The following MYO16 variants were observed in gnomAD, a reference collection of about 807,000 sequenced individuals.
MYO16 encodes the protein unconventional myosin-XVI.
MYO16 carries 94 observed loss-of-function variants against 205.3 expected under a neutral mutation model. The ratio of observed to expected loss-of-function variants is 0.46; its 90% CI spans 0.39 to 0.54. The LOEUF is 0.54. Ranked by LOEUF, MYO16 falls within the 20% of genes least tolerant of loss-of-function variation. MYO16 has a pLI of 0.00. For synonymous variants in MYO16, 988 were observed against 954.0 expected, an observed-to-expected ratio of 1.04 and a Z score of -0.66; for missense variants, 2,315 against 2,387.5, an observed-to-expected ratio of 0.97 and a Z score of 0.63.
chr13:109,063,231 G>A lies in MYO16; in HGVS notation c.3335+7636G>A, dbSNP rs555009047. On this transcript the variant is annotated intron_variant, in intron 27 of 34. Coordinates refer to ENST00000457511, the MANE Select transcript of MYO16 (RefSeq NM_001198950.3). ...TCTTTCTAATTGAAACTGGAGGATCGCTTTAGTTGAGAGGATACTATTTTG... is the reference window on the plus strand; with the variant it reads ...TCTTTCTAATTGAAACTGGAGGATCACTTTAGTTGAGAGGATACTATTTTG... 2.6e-5 allele frequency among the ~76,000 whole-genome samples: 4 copies of A among 152,236 alleles called. No homozygotes were observed. In the South Asian group the frequency reaches 8.3e-4, roughly 32 times the overall value.
chr13:109,016,685 G>A (rs530144913), intron 22 of MYO16, among the ~76,000 whole-genome samples: 9 of 152,148 alleles, frequency 5.9e-5, no homozygotes, highest in Admixed American at 2.0e-4. Context: ...AGCTCTTCTT[G>A]TTGAATTGAT....
intron 5 of MYO16, among the ~76,000 whole-genome samples, chr13:108,787,873 G>C (rs921314352): frequency 6.6e-6 from 1 of 152,112 alleles, no homozygotes; most frequent in African/African-American, 2.4e-5. Context: ...TTCACAATCT[G>C]CTTCTGCTTA....
At chr13:108,584,120 AT>A in the MYO16 span, among the ~76,000 whole-genome samples, 1 of 151,798 alleles carries the variant, frequency 6.6e-6, no homozygotes, top group African/African-American at 2.4e-5. Context: ...CGCCCAGCTA[AT>A]TTTTTGTATT....
intron 32 of MYO16, among the ~76,000 whole-genome samples, chr13:109,154,293 G>C (rs543634253): frequency 2.4e-4 from 36 of 152,228 alleles, no homozygotes; most frequent in Admixed American, 1.8e-3. Context: ...AGCTCTCAAG[G>C]TCCCCACGTC....
chr13:108,691,286 G>A (rs1337329033), intron 2 of MYO16, among the ~76,000 whole-genome samples: 1 of 151,980 alleles, frequency 6.6e-6, no homozygotes, highest in Admixed American at 6.6e-5. Flanking sequence ...ATTTATTTGT[G>A]AGCAATCTGC....
At chr13:109,187,829 T>C (rs576886665) in intron 34 of MYO16, among the ~76,000 whole-genome samples, 1 of 152,340 alleles carries the variant, frequency 6.6e-6, no homozygotes, top group African/African-American at 2.4e-5. Context: ...GTATTCTGCT[T>C]CCATTGGGTG....
intron 22 of MYO16, among the ~76,000 whole-genome samples, chr13:109,010,163 T>C (rs1419393837): frequency 6.6e-6 from 1 of 152,188 alleles, no homozygotes; most frequent in Non-Finnish European, 1.5e-5. Context: ...GTGTAGTATT[T>C]GATGAAGGTG....
chr13:109,207,097 A>G lies in MYO16; in HGVS notation c.*261A>G. ...TCATTTACGGCTCTGTGCTACCCCT[A>G]GGTAGCAAGAGAGAGGCTGGGAAAA... On this transcript the variant is annotated 3_prime_UTR_variant, in exon 35 of 35. Coordinates refer to ENST00000457511, the MANE Select transcript of MYO16 (RefSeq NM_001198950.3). 2.4e-6 allele frequency: 1 copy of G among 420,730 alleles called. No homozygotes were observed. Among genetic ancestry groups the G allele is most frequent in the African/African-American group, 2.0e-5 (1 of 50,346 alleles). 26.1% of individuals were successfully genotyped at this position (420,730 alleles called of 1,614,324 possible). A position where few individuals can be genotyped will look rare whatever the true frequency, so the allele number is the denominator to read the frequency against.
intron 1 of MYO16, among the ~76,000 whole-genome samples, chr13:108,638,493 C>A (rs1696775769): frequency 6.6e-6 from 1 of 152,118 alleles, no homozygotes; most frequent in African/African-American, 2.4e-5. Context: ...ACTGAAACAT[C>A]AAACTCTCTT....
At chr13:108,653,220 T>G (rs1881090685) in intron 1 of MYO16, among the ~76,000 whole-genome samples, 2 of 152,230 alleles carry the variant, frequency 1.3e-5, no homozygotes, top group African/African-American at 4.8e-5. Flanking sequence ...CCTTTTCCCA[T>G]TTTTAATCAG....
chr13:108,557,758 C>T, the MYO16 span, among the ~76,000 whole-genome samples: 2 of 151,768 alleles, frequency 1.3e-5, no homozygotes, highest in Admixed American at 6.6e-5. Flanking sequence ...ATATTTAGTT[C>T]AAAAGAAAGA....
intron 27 of MYO16, among the ~76,000 whole-genome samples, chr13:109,078,094 A>G (rs1260587051): frequency 2.0e-5 from 3 of 151,974 alleles, no homozygotes; most frequent in Non-Finnish European, 2.9e-5. Flanking sequence ...AAGTTATTGT[A>G]GTTTTTGTTT....
chr13:108,952,602 T>C (rs1883199284), intron 16 of MYO16, among the ~76,000 whole-genome samples: 1 of 152,230 alleles, frequency 6.6e-6, no homozygotes, highest in Non-Finnish European at 1.5e-5. Context: ...AATCCATCTG[T>C]AGTTTTTATT....
chr13:109,044,968 G>A (rs190588059), intron 23 of MYO16, among the ~76,000 whole-genome samples: 65 of 152,250 alleles, frequency 4.3e-4, no homozygotes, highest in African/African-American at 1.4e-3. Context: ...GATTACAAGC[G>A]TGAGCCACCG....
chr13:109,133,780 A>G (rs181958747), intron 31 of MYO16, among the ~76,000 whole-genome samples: 1 of 152,356 alleles, frequency 6.6e-6, no homozygotes, highest in African/African-American at 2.4e-5. Flanking sequence ...TTCATTTTTA[A>G]TAACCCTCTA....
the MYO16 span, among the ~76,000 whole-genome samples, chr13:108,565,337 GTCC>G: frequency 5.9e-5 from 9 of 151,914 alleles, no homozygotes; most frequent in Non-Finnish European, 1.3e-4. Flanking sequence ...TAATTTTTTT[GTCC>G]TCTTCAGTTT....
the MYO16 span, among the ~76,000 whole-genome samples, chr13:108,574,030 T>G: frequency 6.6e-6 from 1 of 152,086 alleles, no homozygotes; most frequent in Non-Finnish European, 1.5e-5. Context: ...TTTCTATTAT[T>G]TTTGTAAAGA....
chr13:108,938,521 G>T (rs564802242), intron 16 of MYO16, among the ~76,000 whole-genome samples: 6 of 152,220 alleles, frequency 3.9e-5, no homozygotes, highest in African/African-American at 1.2e-4. Flanking sequence ...TAGAAATGGA[G>T]CTGGGAAACC....
chr13:108,737,813 A>C lies in MYO16; in HGVS notation c.507+10230A>C, dbSNP rs1036390130. Among the ~76,000 whole-genome samples, 26 of 152,070 alleles carry C rather than the reference A, an allele frequency of 1.7e-4. No homozygotes were observed. In the East Asian group the frequency reaches 3.3e-3, roughly 19 times the overall value. On this transcript the variant is annotated intron_variant, in intron 4 of 34. Coordinates refer to ENST00000457511, the MANE Select transcript of MYO16 (RefSeq NM_001198950.3). ...CTATTAATTATTGCCTCAATTTCAG[A>C]GCCTGTTATTGGTCTATTCAGAGAT...
Sources: allele counts gnomAD v4.1 joint callset (sites outside exome capture counted in the v4.1 genomes callset), GRCh38; gene constraint gnomAD v4.1.1; transcripts MANE v1.5; gene names NCBI Gene and HGNC (gene_info 2026-07-23, HGNC 2026-07-21).